Variants in ATP2B1 observed in about 807,000 individuals in gnomAD.
The protein encoded by ATP2B1 is ATPase plasma membrane Ca2+ transporting 1.
A neutral mutation model predicts 124.2 loss-of-function variants in ATP2B1; 14 were observed. That is an observed-to-expected ratio of 0.11 (90% confidence interval 0.07 to 0.18). The LOEUF (loss-of-function observed/expected upper bound fraction) is 0.18. Ranked by LOEUF, ATP2B1 falls within the 10% of genes least tolerant of loss-of-function variation. The pLI, the probability that ATP2B1 is intolerant of heterozygous loss-of-function variation, is 1.00. For synonymous variants in ATP2B1, 449 were observed against 492.4 expected, an observed-to-expected ratio of 0.91 and a Z score of 1.17; for missense variants, 763 against 1,466.1, an observed-to-expected ratio of 0.52 and a Z score of 7.83.
intron 5 of ATP2B1, among the ~76,000 whole-genome samples, chr12:89,633,077 T>C (rs1959504918): frequency 6.6e-6 from 1 of 152,176 alleles, no homozygotes; most frequent in African/African-American, 2.4e-5. Context: ...AAGGTATGAT[T>C]AGATAGCTTC....
At chr12:89,677,971 T>TATATATATATATATATATATATACACAC (rs1461216851) in intron 1 of ATP2B1, among the ~76,000 whole-genome samples, 73 of 52,208 alleles carry the variant, frequency 1.4e-3, no homozygotes, top group Non-Finnish European at 2.0e-3. Flanking sequence ...TATATATATA[T>TATATATATATATATATATATATACACAC]ACACACACAC....
chr12:89,618,774 C>T (rs1879443926), intron 11 of ATP2B1, among the ~76,000 whole-genome samples: 1 of 152,088 alleles, frequency 6.6e-6, no homozygotes, highest in Admixed American at 6.5e-5. Context: ...GATCTCTCAC[C>T]CAAAAACTTT....
chr12:89,601,450 G>C lies in ATP2B1; in HGVS notation c.3061-17C>G, dbSNP rs757111302. The C allele has an allele frequency of 2.1e-6, 3 of 1,459,930 alleles. No individual in the cohort carries two copies. The Admixed American group carries it at 7.5e-5, about 36-fold the overall frequency. 90.4% of individuals were successfully genotyped at this position (1,459,930 alleles called of 1,614,324 possible). ...AATTATTATCTGGAGGAATAATCAA[G>C]AGTAAATTTACTTAAATCTTAAATT... On this transcript the variant is annotated splice_polypyrimidine_tract_variant and intron_variant, in intron 18 of 20. Transcript: ENST00000428670.
chr12:89,608,585 T>C (rs898864195), intron 15 of ATP2B1, among the ~76,000 whole-genome samples: 2 of 152,210 alleles, frequency 1.3e-5, no homozygotes, highest in East Asian at 3.9e-4. Flanking sequence ...CAACAAGCCA[T>C]TGTATTGTGT....
intron 1 of ATP2B1, among the ~76,000 whole-genome samples, chr12:89,670,192 C>A (rs2136508226): frequency 6.6e-6 from 1 of 152,152 alleles, no homozygotes; most frequent in Admixed American, 6.5e-5. Context: ...AACTGACATA[C>A]TGTAAATGGA....
chr12:89,593,707 C>G (rs945685038), intron 20 of ATP2B1: 1 of 152,028 alleles, frequency 6.6e-6, no homozygotes, highest in Admixed American at 6.6e-5. Flanking sequence ...CACACACATA[C>G]ACCGGTGGCA....
At chr12:89,695,058 CAAAA>C (rs544087541) in intron 1 of ATP2B1, among the ~76,000 whole-genome samples, 2 of 111,214 alleles carry the variant, frequency 1.8e-5, no homozygotes, top group African/African-American at 3.3e-5. Context: ...GATGCTGTTT[CAAAA>C]AAAAAAAAAG....
chr12:89,601,193 C>A lies in ATP2B1; in HGVS notation c.3168+133G>T, dbSNP rs995846959. 6 of 626,416 alleles carry A rather than the reference C, an allele frequency of 9.6e-6. No homozygotes were observed. In the African/African-American group the frequency reaches 1.2e-4, roughly 12 times the overall value. The allele number at this position is 626,416 out of a possible 1,614,324, so 38.8% of individuals were successfully genotyped here. A position where few individuals can be genotyped will look rare whatever the true frequency, so the allele number is the denominator to read the frequency against. ...CTAATACGACATTAAAAAAACTTAT[C>A]TTTGAATGCCCTCTCTTTACTCACC... is the stretch of plus-strand genomic sequence containing the variant. On this transcript the variant is annotated intron_variant, in intron 19 of 20. Transcript: ENST00000428670.
At chr12:89,677,967 T>TAC (rs1375127866) in intron 1 of ATP2B1, among the ~76,000 whole-genome samples, 42 of 54,526 alleles carry the variant, frequency 7.7e-4, no homozygotes, top group East Asian at 4.1e-3. Context: ...TATATATATA[T>TAC]ATATACACAC....
chr12:89,601,364 A>C lies in ATP2B1; in HGVS notation c.3130T>G (p.Ser1044Ala). Residue 1044 changes from serine (S) to alanine (A), a missense_variant, in exon 19 of 21, where the codon TCA (serine) becomes GCA (alanine). By Grantham distance (99) the Ser-to-Ala change is moderately conservative (BLOSUM62 1). Coordinates refer to ENST00000428670, the MANE Select transcript of ATP2B1 (RefSeq NM_001366521.1). ...AATGTTCCCATTCCTAGGAATATTG[A>C]CCATAGCCACTGTTCTATTGAAAGT... ...SELSIEQWLW[S>A]IFLGMGTLLW... 2 of 1,578,524 alleles carry C rather than the reference A, an allele frequency of 1.3e-6. No individual in the cohort carries two copies. The highest frequency in any genetic ancestry group is 8.5e-7 in the Non-Finnish European group (1 of 1,169,870).
chr12:89,632,854 T>C (rs141435741), intron 5 of ATP2B1, among the ~76,000 whole-genome samples: 1 of 152,322 alleles, frequency 6.6e-6, no homozygotes, highest in East Asian at 1.9e-4. Context: ...TCTCCTGGTA[T>C]ACTTGGTGTG....
chr12:89,614,880 A>C (rs1441313982), intron 12 of ATP2B1, among the ~76,000 whole-genome samples: 1 of 152,116 alleles, frequency 6.6e-6, no homozygotes, highest in Non-Finnish European at 1.5e-5. Context: ...AGCCATGATC[A>C]TCTCTTGCCT....
intron 1 of ATP2B1, among the ~76,000 whole-genome samples, chr12:89,658,574 G>T (rs1431943229): frequency 1.6e-5 from 2 of 126,666 alleles, no homozygotes; most frequent in African/African-American, 3.0e-5. Context: ...TCTCTTCACA[G>T]AATTCAAACA....
At chr12:89,673,833 G>A (rs1244014788) in intron 1 of ATP2B1, among the ~76,000 whole-genome samples, 2 of 152,084 alleles carry the variant, frequency 1.3e-5, no homozygotes, top group African/African-American at 2.4e-5. Flanking sequence ...TGGTACAGGG[G>A]GTGTCACAGC....
At chr12:89,668,185 C>T (rs761908443) in intron 1 of ATP2B1, among the ~76,000 whole-genome samples, 2 of 152,154 alleles carry the variant, frequency 1.3e-5, no homozygotes, top group Non-Finnish European at 2.9e-5. Context: ...CTATTTGTAC[C>T]TCCGGAGGTT....
rs761736147 is a variant in ATP2B1, at chr12:89,590,982, A to T, written c.*2T>A. The T allele has an allele frequency of 6.2e-7, 1 of 1,610,330 alleles. No homozygotes were observed. Among genetic ancestry groups the T allele is most frequent in the South Asian group, 1.1e-5 (1 of 90,892 alleles). On this transcript the variant is annotated 3_prime_UTR_variant, in exon 21 of 21. Transcript: ENST00000428670. The stretch of plus-strand genomic sequence containing the variant: ...GCTAGTGTGTTAACATTCAGCTTAC[A>T]ATCAGAGTGATGTTTCCAAACTATG...
intron 6 of ATP2B1, 111 bp from the exon 7 acceptor site, chr12:89,627,827 G>T: frequency 1.7e-6 from 2 of 1,164,824 alleles, no homozygotes; most frequent in Non-Finnish European, 2.5e-6. Context: ...AATGGTGTGT[G>T]TGTCTACAGA....
chr12:89,640,475 C>T (rs759403711), intron 3 of ATP2B1, among the ~76,000 whole-genome samples: 4 of 152,136 alleles, frequency 2.6e-5, no homozygotes, highest in African/African-American at 4.8e-5. Context: ...ATATGTCAGT[C>T]GTGCTGCTTC....
chr12:89,671,432 A>G (rs1887967669), intron 1 of ATP2B1, among the ~76,000 whole-genome samples: 1 of 152,208 alleles, frequency 6.6e-6, no homozygotes. Flanking sequence ...AGGGATTAAA[A>G]TGTTGACTAC....
Sources: gnomAD v4.1 joint callset for allele counts (sites outside exome capture counted in the v4.1 genomes callset) on GRCh38, gnomAD v4.1.1 for gene constraint, MANE v1.5 for transcripts, NCBI Gene and HGNC (gene_info 2026-07-23, HGNC 2026-07-21) for gene names.